The following GFOD1 variants were observed in gnomAD, a reference collection of about 807,000 sequenced individuals.
The protein encoded by GFOD1 is glucose-fructose oxidoreductase domain-containing protein 1.
In GFOD1, 9 loss-of-function variants were observed where a neutral mutation model predicts 25.4. The observed-to-expected ratio is 0.35, with a 90% confidence interval of 0.21 to 0.62. The LOEUF (loss-of-function observed/expected upper bound fraction) is 0.62. Among genes scored for constraint, GFOD1 ranks in the 20% least tolerant of loss-of-function variants. The probability of loss-of-function intolerance (pLI) is 0.72; values close to 1 mark genes in which losing one functional copy is unlikely to be tolerated. For synonymous variants in GFOD1, 253 were observed against 245.6 expected (o/e 1.03, Z -0.28); for missense variants, 403 against 556.9 (o/e 0.72, Z 2.78).
intron 1 of GFOD1, among the ~76,000 whole-genome samples, chr6:13,439,705 T>C (rs1213270594): frequency 6.6e-6 from 1 of 152,216 alleles, no homozygotes; most frequent in East Asian, 1.9e-4. Context: ...GTATGTTAGA[T>C]AATACTATCC....
intron 1 of GFOD1, among the ~76,000 whole-genome samples, chr6:13,461,003 C>A (rs1004704935): frequency 6.6e-6 from 1 of 152,206 alleles, no homozygotes; most frequent in South Asian, 2.1e-4. Flanking sequence ...TGGTCCTGGA[C>A]TCCAGTCTTC....
chr6:13,390,682 G>A (rs1158907267), intron 1 of GFOD1, among the ~76,000 whole-genome samples: 1 of 147,454 alleles, frequency 6.8e-6, no homozygotes. Context: ...AGCCATGCTA[G>A]CACCACTATA....
Position 13,358,372 on chromosome 6 carries a change from G to A in GFOD1, c.*6371C>T, listed in dbSNP as rs370207236. ...TGTAAAACACAATAAATATATACTC[G>A]ACAATGACAGCCAAACAAATGCCAT... On this transcript the variant is annotated 3_prime_UTR_variant, in exon 2 of 2. Transcript: ENST00000379287. The A allele has an allele frequency of 8.6e-5, 13 of 151,516 alleles. No individual in the cohort carries two copies. Among genetic ancestry groups the A allele is most frequent in the African/African-American group, 2.4e-4 (10 of 41,212 alleles). The allele number at this position is 151,516 out of a possible 1,614,324, so 9.4% of individuals were successfully genotyped here.
At chr6:13,445,239 T>G (rs1049548787) in intron 1 of GFOD1, among the ~76,000 whole-genome samples, 6 of 152,354 alleles carry the variant, frequency 3.9e-5, no homozygotes, top group Middle Eastern at 3.4e-3. Flanking sequence ...CACCAACTCC[T>G]GTCTTCATCA....
chr6:13,375,587 G>T (rs1214362164), intron 1 of GFOD1, among the ~76,000 whole-genome samples: 2 of 152,198 alleles, frequency 1.3e-5, no homozygotes, highest in Non-Finnish European at 2.9e-5. Context: ...TGGAAAGAGG[G>T]TTACAGCCAG....
chr6:13,409,197 GAAA>G (rs1786019055), intron 1 of GFOD1, among the ~76,000 whole-genome samples: 1 of 82,992 alleles, frequency 1.2e-5, no homozygotes, highest in African/African-American at 2.9e-5. Context: ...AAGAAAGAAA[GAAA>G]GAGAAAGAAG....
chr6:13,464,762 G>A (rs768561978), intron 1 of GFOD1, among the ~76,000 whole-genome samples: 1 of 152,144 alleles, frequency 6.6e-6, no homozygotes, highest in Non-Finnish European at 1.5e-5. Context: ...CCAGCAGATT[G>A]CTTTGGACTT....
chr6:13,483,412 G>C (rs571176889), intron 1 of GFOD1, among the ~76,000 whole-genome samples: 5 of 152,322 alleles, frequency 3.3e-5, no homozygotes, highest in African/African-American at 1.2e-4. Context: ...AGGACGTGAG[G>C]CTGGGCTCAC....
chr6:13,484,284 C>A (rs1259794039), intron 1 of GFOD1, among the ~76,000 whole-genome samples: 5 of 152,128 alleles, frequency 3.3e-5, no homozygotes, highest in African/African-American at 1.2e-4. Context: ...GCTAAAAGGA[C>A]AATTTACCAG....
chr6:13,415,626 T>G (rs554097410), intron 1 of GFOD1, among the ~76,000 whole-genome samples: 1 of 152,300 alleles, frequency 6.6e-6, no homozygotes, highest in South Asian at 2.1e-4. Flanking sequence ...CCACAGGGCA[T>G]CCAGTGACAG....
intron 1 of GFOD1, among the ~76,000 whole-genome samples, chr6:13,461,780 T>C (rs1758293987): frequency 6.6e-6 from 1 of 152,124 alleles, no homozygotes; most frequent in South Asian, 2.1e-4. Flanking sequence ...CTCAGCTCTT[T>C]CCAGAAAACA....
intron 1 of GFOD1, among the ~76,000 whole-genome samples, chr6:13,437,102 G>A (rs981881126): frequency 6.6e-6 from 1 of 152,160 alleles, no homozygotes; most frequent in Non-Finnish European, 1.5e-5. Context: ...GGGAAAGGCT[G>A]ACCCAAATGA....
At position 13,360,302 on chromosome 6, in the gene GFOD1, C is replaced by G. The variant is rs925513294; in HGVS notation, c.*4441G>C. On this transcript the variant is annotated 3_prime_UTR_variant, in exon 2 of 2. Coordinates refer to ENST00000379287, the MANE Select transcript of GFOD1 (RefSeq NM_018988.4). ...TCATTAACAAAGCTGATTCTGCCCC[C>G]AGTACCCACCAGAATGCAAGAGATC... The G allele has an allele frequency of 4.5e-6, 1 of 224,160 alleles. No homozygotes were observed. Among genetic ancestry groups the G allele is most frequent in the African/African-American group, 2.3e-5 (1 of 42,596 alleles). 13.9% of individuals were successfully genotyped at this position (224,160 alleles called of 1,614,324 possible).
intron 1 of GFOD1, among the ~76,000 whole-genome samples, chr6:13,383,497 T>C (rs1785405088): frequency 6.6e-6 from 1 of 152,236 alleles, no homozygotes; most frequent in Non-Finnish European, 1.5e-5. Flanking sequence ...GCAGTTGCTG[T>C]GATTAGAACA....
At position 13,362,502 on chromosome 6, in the gene GFOD1, C is replaced by A. The variant is rs1784963517; in HGVS notation, c.*2241G>T. On this transcript the variant is annotated 3_prime_UTR_variant, in exon 2 of 2. Coordinates refer to ENST00000379287, the MANE Select transcript of GFOD1 (RefSeq NM_018988.4). ...AAAAGAAGAAGAATGTGAACCAAAG[C>A]AGTCCATGACATGGGCCTCTGTTCA... The A allele has an allele frequency of 6.6e-6, 1 of 151,308 alleles. No homozygotes were observed. Among genetic ancestry groups the A allele is most frequent in the African/African-American group, 2.4e-5 (1 of 41,122 alleles). 9.4% of individuals were successfully genotyped at this position (151,308 alleles called of 1,614,324 possible). A position where few individuals can be genotyped will look rare whatever the true frequency, so the allele number is the denominator to read the frequency against.
chr6:13,449,029 G>A (rs1187715314), intron 1 of GFOD1, among the ~76,000 whole-genome samples: 1 of 152,238 alleles, frequency 6.6e-6, no homozygotes, highest in Non-Finnish European at 1.5e-5. Context: ...TTTGGTGCCT[G>A]TAATCCCAGC....
At chr6:13,413,498 C>G (rs1786113582) in intron 1 of GFOD1, among the ~76,000 whole-genome samples, 1 of 152,176 alleles carries the variant, frequency 6.6e-6, no homozygotes, top group Non-Finnish European at 1.5e-5. Flanking sequence ...TGAATGGTCC[C>G]CACAGTGGCA....
At chr6:13,442,789 T>C (rs533185392) in intron 1 of GFOD1, among the ~76,000 whole-genome samples, 8 of 152,340 alleles carry the variant, frequency 5.3e-5, no homozygotes, top group African/African-American at 1.9e-4. Context: ...TTACTGCTTA[T>C]TGACAATCCA....
At chr6:13,372,316 G>T (rs185093906) in intron 1 of GFOD1, among the ~76,000 whole-genome samples, 64 of 152,258 alleles carry the variant, frequency 4.2e-4, no homozygotes, top group African/African-American at 1.5e-3. Flanking sequence ...GATCCCTCAT[G>T]GGGAAATGGA....
Sources: allele counts gnomAD v4.1 joint callset (sites outside exome capture counted in the v4.1 genomes callset), GRCh38; gene constraint gnomAD v4.1.1; transcripts MANE v1.5; gene names NCBI Gene and HGNC (gene_info 2026-07-23, HGNC 2026-07-21).